IQCJ: variants seen among roughly 807,000 people sequenced by gnomAD.
IQCJ encodes IQ motif containing J.
Under a neutral mutation model 11.0 loss-of-function variants are expected in IQCJ, and 9 were observed. That is an observed-to-expected ratio of 0.82 (90% CI 0.49 to 1.43). IQCJ has a LOEUF of 1.43. Ranked by LOEUF, IQCJ falls within the 40% of genes most tolerant of loss-of-function variation. The probability of loss-of-function intolerance (pLI) is 0.00; values close to 1 mark genes in which losing one functional copy is unlikely to be tolerated. For missense variants in IQCJ, 146 were observed against 133.2 expected, an observed-to-expected ratio of 1.10 and a Z score of -0.47; for synonymous variants, 55 against 51.3, an observed-to-expected ratio of 1.07 and a Z score of -0.31.
chr3:159,217,467 A>G (rs1235301578), intron 1 of IQCJ, among the ~76,000 whole-genome samples: 1 of 152,164 alleles, frequency 6.6e-6, no homozygotes, highest in Non-Finnish European at 1.5e-5. Flanking sequence ...TTTCTGCCAT[A>G]TAAGAATCAG....
In IQCJ at chr3:159,080,593, G is replaced by T. The variant is rs548224150; in HGVS notation, c.9+11152G>T. ...CATCTTGGCAAAGGATTAATTAGGG[G>T]AAGAGAAACTAACATTTATTTGGGT... On this transcript the variant is annotated intron_variant, in intron 1 of 3. Transcript: ENST00000397832. 1.2e-4 allele frequency among the ~76,000 whole-genome samples: 18 copies of T among 152,280 alleles called. No homozygotes were observed. The East Asian group carries it at 2.7e-3, about 23-fold the overall frequency.
At chr3:159,223,643 T>C (rs1725680237) in intron 1 of IQCJ, among the ~76,000 whole-genome samples, 1 of 152,178 alleles carries the variant, frequency 6.6e-6, no homozygotes, top group African/African-American at 2.4e-5. Flanking sequence ...TTTTACCATA[T>C]ATGTTCCAGC....
chr3:159,096,313 G>C (rs1717749143), intron 1 of IQCJ, among the ~76,000 whole-genome samples: 1 of 150,716 alleles, frequency 6.6e-6, no homozygotes, highest in Non-Finnish European at 1.5e-5. Flanking sequence ...CATTTTATAG[G>C]TTGCCTGTTC....
At chr3:159,230,670 C>T (rs1726194730) in intron 1 of IQCJ, among the ~76,000 whole-genome samples, 1 of 152,094 alleles carries the variant, frequency 6.6e-6, no homozygotes, top group Non-Finnish European at 1.5e-5. Flanking sequence ...ATAATAAAGG[C>T]CTATGGCATT....
intron 1 of IQCJ, among the ~76,000 whole-genome samples, chr3:159,241,001 G>A (rs1156907202): frequency 3.9e-5 from 6 of 152,160 alleles, no homozygotes; most frequent in Non-Finnish European, 8.8e-5. Context: ...TTAGAATTTT[G>A]TATTCACTAG....
At chr3:159,237,865 A>G (rs1726682181) in intron 1 of IQCJ, among the ~76,000 whole-genome samples, 1 of 152,212 alleles carries the variant, frequency 6.6e-6, no homozygotes, top group Non-Finnish European at 1.5e-5. Flanking sequence ...ATGATTAGTT[A>G]AGTTTATTGG....
chr3:159,261,950 A>G (rs1258020740), intron 3 of IQCJ, among the ~76,000 whole-genome samples: 2 of 152,180 alleles, frequency 1.3e-5, no homozygotes, highest in African/African-American at 4.8e-5. Flanking sequence ...ACAGTATATA[A>G]AACCCATGAT....
At chr3:159,173,216 C>T (rs1722593395) in intron 1 of IQCJ, among the ~76,000 whole-genome samples, 1 of 152,126 alleles carries the variant, frequency 6.6e-6, no homozygotes, top group South Asian at 2.1e-4. Flanking sequence ...GTGTATAATA[C>T]CACACTTGGT....
intron 1 of IQCJ, among the ~76,000 whole-genome samples, chr3:159,201,212 A>T (rs182721480): frequency 6.6e-6 from 1 of 152,338 alleles, no homozygotes; most frequent in East Asian, 1.9e-4. Context: ...TAATAATTGT[A>T]TAAGAAACTG....
chr3:159,240,383 T>C (rs1190184818), intron 1 of IQCJ, among the ~76,000 whole-genome samples: 1 of 152,200 alleles, frequency 6.6e-6, no homozygotes, highest in Non-Finnish European at 1.5e-5. Flanking sequence ...ATGATTGTTC[T>C]AACTGCCTAA....
chr3:159,102,447 C>G (rs1483148561), intron 1 of IQCJ, among the ~76,000 whole-genome samples: 1 of 152,094 alleles, frequency 6.6e-6, no homozygotes, highest in East Asian at 1.9e-4. Flanking sequence ...ATATCTGTAA[C>G]AGGAAAGAGT....
chr3:159,074,955 C>G (rs900584658), intron 1 of IQCJ, among the ~76,000 whole-genome samples: 1 of 152,080 alleles, frequency 6.6e-6, no homozygotes, highest in African/African-American at 2.4e-5. Context: ...GACATCTTCT[C>G]ATAGAGGAAA....
chr3:159,139,532 G>A (rs1405035639), intron 1 of IQCJ, among the ~76,000 whole-genome samples: 1 of 152,152 alleles, frequency 6.6e-6, no homozygotes, highest in East Asian at 1.9e-4. Context: ...TCCCCCAGCT[G>A]AAGTCTACTT....
chr3:159,141,721 A>G (rs1720615255), intron 1 of IQCJ, among the ~76,000 whole-genome samples: 1 of 152,232 alleles, frequency 6.6e-6, no homozygotes, highest in Non-Finnish European at 1.5e-5. Context: ...TAAGTAAGTT[A>G]CTTACCAAAG....
chr3:159,262,093 C>CCCTGT (rs1332902178), intron 3 of IQCJ, among the ~76,000 whole-genome samples: 1 of 152,238 alleles, frequency 6.6e-6, no homozygotes, highest in African/African-American at 2.4e-5. Flanking sequence ...ACGGCAGAGT[C>CCCTGT]CCTGTTCAGA....
In IQCJ at chr3:159,262,613, C is replaced by CA. The variant is rs1728282853; in HGVS notation, c.222dup (p.Pro75ThrfsTer34). 1.2e-6 allele frequency: 2 copies of CA among 1,613,992 alleles called. No homozygotes were observed. Among genetic ancestry groups the CA allele is most frequent in the Non-Finnish European group, 1.7e-6 (2 of 1,179,882 alleles). ...CCCCTGGGGAAGAGGAGCCCGTCCC[C>CA]ACCCTCTGTCTCCTCAGAGAAGCTG... is the stretch of plus-strand genomic sequence containing the variant. On this transcript the variant is annotated frameshift_variant, in exon 4 of 4. Coordinates refer to ENST00000397832, the MANE Select transcript of IQCJ (RefSeq NM_001042706.3). LOFTEE classifies it low-confidence loss of function (END_TRUNC).
intron 1 of IQCJ, among the ~76,000 whole-genome samples, chr3:159,199,467 G>A (rs1211531340): frequency 6.6e-6 from 1 of 152,146 alleles, no homozygotes; most frequent in African/African-American, 2.4e-5. Flanking sequence ...TTTTTGCCCA[G>A]TGAGACCCAT....
At chr3:159,197,133 GA>G (rs1295795292) in intron 1 of IQCJ, among the ~76,000 whole-genome samples, 1 of 152,148 alleles carries the variant, frequency 6.6e-6, no homozygotes, top group Non-Finnish European at 1.5e-5. Context: ...ACATTAGGCA[GA>G]GATAAAAATA....
At chr3:159,086,447 T>C (rs145561447) in intron 1 of IQCJ, among the ~76,000 whole-genome samples, 29,329 of 152,202 alleles carry the variant, frequency 0.19, 3,510 homozygotes, top group South Asian at 0.35. Context: ...TTTCCAATTC[T>C]TTGAAGAAAG....
Sources: allele counts gnomAD v4.1 joint callset (sites outside exome capture counted in the v4.1 genomes callset), GRCh38; gene constraint gnomAD v4.1.1; transcripts MANE v1.5; gene names NCBI Gene and HGNC (gene_info 2026-07-23, HGNC 2026-07-21).